The following FGGY variants were observed in gnomAD, a reference collection of about 807,000 sequenced individuals.
The protein encoded by FGGY is FGGY carbohydrate kinase domain-containing protein.
A neutral mutation model predicts 71.3 loss-of-function variants in FGGY; 72 were observed. The observed-to-expected ratio is 1.01, with a 90% CI of 0.84 to 1.23. FGGY has a LOEUF of 1.23. Ranked by LOEUF, FGGY falls within the 50% of genes most tolerant of loss-of-function variation. The probability of loss-of-function intolerance (pLI) is 0.00; values close to 1 mark genes in which losing one functional copy is unlikely to be tolerated. For synonymous variants in FGGY, 251 were observed against 250.3 expected, an observed-to-expected ratio of 1.00 and a Z score of -0.02; for missense variants, 668 against 682.3, an observed-to-expected ratio of 0.98 and a Z score of 0.23.
chr1:59,476,181 G>A (rs936733213), intron 6 of FGGY, among the ~76,000 whole-genome samples: 1 of 152,192 alleles, frequency 6.6e-6, no homozygotes, highest in Non-Finnish European at 1.5e-5. Context: ...CATCAGAGAA[G>A]AGCTTTCCCT....
At chr1:59,544,375 C>T (rs920462705) in intron 7 of FGGY, among the ~76,000 whole-genome samples, 3 of 152,228 alleles carry the variant, frequency 2.0e-5, no homozygotes, top group Middle Eastern at 3.4e-3. Flanking sequence ...CAGTTTCATC[C>T]GTGTGATCCT....
rs532785967 is a variant in FGGY, at chr1:59,539,769, ACTT to A, written c.800-14351_800-14349del. Among the ~76,000 whole-genome samples, 583 of 152,322 alleles carry A rather than the reference ACTT, an allele frequency of 3.8e-3. 4 individuals are homozygous for A. The highest frequency in any genetic ancestry group is 0.013 in the African/African-American group (535 of 41,578). ...AAATAAGACTATGTTAAAATAAGAA[ACTT>A]CTTTTCATCAAAAGCTTCCATTAAA... On this transcript the variant is annotated intron_variant, in intron 7 of 15. Transcript: ENST00000303721.
At chr1:59,474,310 C>T (rs1205760866) in intron 6 of FGGY, 2 of 152,218 alleles carry the variant, frequency 1.3e-5, no homozygotes, top group African/African-American at 2.4e-5. Context: ...ACTTCTCTTC[C>T]TACTGCTGGA....
chr1:59,762,351 A>G, intron 15 of FGGY, 152 bp from the exon 16 acceptor site: 2 of 590,568 alleles, frequency 3.4e-6, no homozygotes, highest in Non-Finnish European at 6.0e-6. Context: ...GGTCTGAAAC[A>G]TGCTAATTCA....
At chr1:59,418,411 C>T (rs960644200) in intron 5 of FGGY, among the ~76,000 whole-genome samples, 2 of 151,888 alleles carry the variant, frequency 1.3e-5, no homozygotes, top group African/African-American at 4.8e-5. Flanking sequence ...ACGTTAGGAT[C>T]TGTGACTGGT....
intron 9 of FGGY, among the ~76,000 whole-genome samples, chr1:59,614,677 G>T (rs928682006): frequency 1.3e-5 from 2 of 152,042 alleles, no homozygotes; most frequent in Admixed American, 6.6e-5. Context: ...GGAAATAAAG[G>T]GTATTCAATT....
At position 59,339,953 on chromosome 1, in the gene FGGY, A is replaced by G; in HGVS notation, c.202-5A>G. The G allele has an allele frequency of 1.9e-6, 3 of 1,587,358 alleles. No individual in the cohort carries two copies. The highest frequency in any genetic ancestry group is 2.6e-6 in the Non-Finnish European group (3 of 1,158,738). ...AATTTATGTTTTTATTTGTTTTTAA[A>G]ACAGAAAGTTGTACAAGGGATTGAT... is the stretch of plus-strand genomic sequence containing the variant. On this transcript the variant is annotated splice_polypyrimidine_tract_variant and splice_region_variant and intron_variant, in intron 2 of 15. Transcript: ENST00000303721.
chr1:59,692,698 T>C (rs1168829633), intron 14 of FGGY, among the ~76,000 whole-genome samples: 2 of 151,072 alleles, frequency 1.3e-5, no homozygotes, highest in Non-Finnish European at 2.9e-5. Context: ...AAGAGGAAGA[T>C]AGTCTTCTTG....
intron 5 of FGGY, among the ~76,000 whole-genome samples, chr1:59,445,096 G>T (rs879508381): frequency 6.6e-6 from 1 of 152,140 alleles, no homozygotes; most frequent in African/African-American, 2.4e-5. Context: ...TAATATCTGT[G>T]CCTGGTACAT....
At chr1:59,298,377 AG>A (rs2042279715) in intron 1 of FGGY, among the ~76,000 whole-genome samples, 1 of 151,544 alleles carries the variant, frequency 6.6e-6, no homozygotes, top group South Asian at 2.1e-4. Context: ...ATCAATTTTG[AG>A]GGGGAGGGAG....
intron 6 of FGGY, among the ~76,000 whole-genome samples, chr1:59,493,089 C>T (rs938757996): frequency 7.2e-5 from 5 of 69,348 alleles, no homozygotes; most frequent in Admixed American, 3.7e-4. Flanking sequence ...CTACTATTAC[C>T]AAACAAAACA....
At position 59,574,665 on chromosome 1, in the gene FGGY, T is replaced by C. The variant is rs567325731; in HGVS notation, c.903+20438T>C. On this transcript the variant is annotated intron_variant, in intron 8 of 15. Coordinates refer to ENST00000303721, the MANE Select transcript of FGGY (RefSeq NM_018291.5). Reference sequence around the variant, plus strand: ...TCTGTGTATAGTGAAGGAACAAAGATAAAAGAAATCAAATTTCTGTTTAGT... The same window carrying C: ...TCTGTGTATAGTGAAGGAACAAAGACAAAAGAAATCAAATTTCTGTTTAGT... 3.3e-5 allele frequency among the ~76,000 whole-genome samples: 5 copies of C among 152,328 alleles called. No individual in the cohort carries two copies. In the East Asian group the frequency reaches 9.6e-4, roughly 29 times the overall value.
At position 59,641,408 on chromosome 1, in the gene FGGY, A is replaced by G. The variant is rs975171792; in HGVS notation, c.1221+3033A>G. 2.3e-5 allele frequency: 32 copies of G among 1,400,482 alleles called. 1 individual carries two copies. Among genetic ancestry groups the G allele is most frequent in the Non-Finnish European group, 3.0e-5 (30 of 998,928 alleles). 86.8% of individuals were successfully genotyped at this position (1,400,482 alleles called of 1,614,324 possible). A position where few individuals can be genotyped will look rare whatever the true frequency, so the allele number is the denominator to read the frequency against. ...CCCATTCACTGTGTTTTTATTGAAT[A>G]CCTGCTATGTGCAGGCCTGTGCTAA... On this transcript the variant is annotated intron_variant, in intron 11 of 15. Coordinates refer to ENST00000303721, the MANE Select transcript of FGGY (RefSeq NM_018291.5).
chr1:59,346,477 C>T, intron 4 of FGGY, 79 bp downstream of exon 4: 1 of 1,501,708 alleles, frequency 6.7e-7, no homozygotes, highest in Non-Finnish European at 9.0e-7. Context: ...GTACCAGGCA[C>T]CCTGCTAAAA....
At chr1:59,396,052 T>C (rs769844165) in intron 5 of FGGY, among the ~76,000 whole-genome samples, 2 of 152,132 alleles carry the variant, frequency 1.3e-5, no homozygotes, top group Non-Finnish European at 2.9e-5. Flanking sequence ...TGGAAATACA[T>C]TGGAAATGCA....
intron 5 of FGGY, among the ~76,000 whole-genome samples, chr1:59,454,608 A>G (rs367642186): frequency 2.0e-5 from 3 of 152,226 alleles, no homozygotes; most frequent in Admixed American, 6.5e-5. Context: ...ACTCAGTGCT[A>G]CCTCCTCTAT....
rs560852563 is a variant in FGGY at position 59,582,844 on chromosome 1, G to T, written c.904-24959G>T. On this transcript the variant is annotated intron_variant, in intron 8 of 15. Transcript: ENST00000303721. ...AGTCAGCTTTCAGGAAATTTTGAAA[G>T]AAATAATCACTCACTTGGATTCAGG... Among the ~76,000 whole-genome samples, 74 of 150,342 alleles carry T rather than the reference G, an allele frequency of 4.9e-4. 5 individuals are homozygous for T. In the South Asian group the frequency reaches 0.015, roughly 31 times the overall value.
intron 5 of FGGY, among the ~76,000 whole-genome samples, chr1:59,427,871 TAGCC>T (rs765503992): frequency 5.3e-5 from 8 of 152,172 alleles, no homozygotes; most frequent in Non-Finnish European, 1.0e-4. Context: ...AGGGGACCTT[TAGCC>T]AGTCACTTAA....
chr1:59,637,452 G>A (rs1329552953), intron 10 of FGGY, among the ~76,000 whole-genome samples: 2 of 152,050 alleles, frequency 1.3e-5, no homozygotes, highest in African/African-American at 2.4e-5. Context: ...GGCTAACATG[G>A]TGAAACCCCG....
Sources: allele counts gnomAD v4.1 joint callset (sites outside exome capture counted in the v4.1 genomes callset), GRCh38; gene constraint gnomAD v4.1.1; transcripts MANE v1.5; gene names NCBI Gene and HGNC (gene_info 2026-07-23, HGNC 2026-07-21).